GHRL: variants seen among roughly 807,000 people sequenced by gnomAD.
GHRL encodes appetite-regulating hormone.
Under a neutral mutation model 16.9 loss-of-function variants are expected in GHRL, and 24 were observed. The ratio of observed to expected loss-of-function variants is 1.42; its 90% confidence interval spans 1.03 to 2.00. GHRL has a LOEUF of 2.00. Ranked by LOEUF, GHRL falls within the 30% of genes most tolerant of loss-of-function variation. The pLI, the probability that GHRL is intolerant of heterozygous loss-of-function variation, is 0.00. For missense variants in GHRL, 193 were observed against 142.1 expected, an observed-to-expected ratio of 1.36 and a Z score of -1.82; for synonymous variants, 63 against 58.2, an observed-to-expected ratio of 1.08 and a Z score of -0.37.
Position 10,291,305 on chromosome 3 carries a change from C to T in GHRL, c.-619G>A, listed in dbSNP as rs1699979896. ...GAGTGGGTGTGGGGATAACTTCAGC[C>T]AGTGGCTATGCTTCAGTCATTTCTG... On this transcript the variant is annotated 5_prime_UTR_variant, in exon 2 of 6. Coordinates refer to ENST00000335542, the MANE Select transcript of GHRL (RefSeq NM_016362.5). 9 of 985,490 alleles carry T rather than the reference C, an allele frequency of 9.1e-6. No homozygotes were observed. Among genetic ancestry groups the T allele is most frequent in the Non-Finnish European group, 1.1e-5 (9 of 829,962 alleles). 61.0% of individuals were successfully genotyped at this position (985,490 alleles called of 1,614,324 possible).
At chr3:10,291,489 T>A in intron 1 of GHRL, 38 bp from the exon 2 acceptor site, 1 of 983,724 alleles carries the variant, frequency 1.0e-6, no homozygotes, top group Non-Finnish European at 1.2e-6. Context: ...CGGGCCTGGC[T>A]CCTCTCTCAT....
chr3:10,286,755 T>C lies in GHRL; in HGVS notation c.283A>G (p.Ser95Gly). The C allele has an allele frequency of 1.2e-6, 2 of 1,613,422 alleles. No homozygotes were observed. Among genetic ancestry groups the C allele is most frequent in the Non-Finnish European group, 1.7e-6 (2 of 1,179,308 alleles). ...KLSGVQYQQHSQALGKFLQDI... is the reference protein window; with the variant it reads ...KLSGVQYQQHGQALGKFLQDI... ...TGAAGAAACTTCCCCAGGGCCTGGC[T>C]GTGCTGCTGGTACTGAACCCCTGAC... is the stretch of plus-strand genomic sequence containing the variant. The change falls in exon 5 of 6, where the codon AGC (serine) becomes GGC (glycine). Residue 95 changes from serine (S) to glycine (G), a missense_variant. Physicochemically the swap from Ser to Gly is moderately conservative, Grantham distance 56. Coordinates refer to ENST00000335542, the MANE Select transcript of GHRL (RefSeq NM_016362.5).
At position 10,290,065 on chromosome 3, in the gene GHRL, G is replaced by GT. The variant is rs1699735377; in HGVS notation, c.108+7_108+8insA. 6.2e-6 allele frequency: 10 copies of GT among 1,610,966 alleles called. No individual in the cohort carries two copies. Among genetic ancestry groups the GT allele is most frequent in the Non-Finnish European group, 8.5e-6 (10 of 1,178,854 alleles). ...AACAACATGTGGGGCTTTGTGGGGA[G>GT]GTCTCACCTGGACTCTCTGGTGTTC... On this transcript the variant is annotated splice_region_variant and intron_variant, in intron 3 of 5. Transcript: ENST00000335542.
intron 4 of GHRL, among the ~76,000 whole-genome samples, chr3:10,287,667 C>G (rs1699276742): frequency 6.6e-6 from 1 of 152,166 alleles, no homozygotes; most frequent in Non-Finnish European, 1.5e-5. Context: ...AGGCCAAGGA[C>G]TAGAATGCAG....
intron 4 of GHRL, among the ~76,000 whole-genome samples, chr3:10,289,463 G>C (rs1245686211): frequency 6.6e-6 from 1 of 152,186 alleles, no homozygotes; most frequent in Non-Finnish European, 1.5e-5. Context: ...TTTGTCTCTG[G>C]GCACTGTATT....
At chr3:10,286,606 T>C (rs912844951) in intron 5 of GHRL, 98 bp downstream of exon 5, 1 of 659,374 alleles carries the variant, frequency 1.5e-6, no homozygotes, top group Admixed American at 2.6e-5. Flanking sequence ...GAAGTTCTTT[T>C]GGAGAGGCAG....
chr3:10,291,535 T>C, intron 1 of GHRL, 84 bp from the exon 2 acceptor site: 6 of 877,024 alleles, frequency 6.8e-6, no homozygotes, highest in Non-Finnish European at 8.2e-6. Context: ...TAATTCCCCT[T>C]ACCCAGAGTC....
rs1288614284 is a variant in GHRL, at chr3:10,291,466, T to C, written c.-765-15A>G. The C allele has an allele frequency of 1.0e-6, 1 of 985,354 alleles. No homozygotes were observed. Among genetic ancestry groups the C allele is most frequent in the Non-Finnish European group, 1.2e-6 (1 of 829,976 alleles). The allele number at this position is 985,354 out of a possible 1,614,324, so 61.0% of individuals were successfully genotyped here. A position where few individuals can be genotyped will look rare whatever the true frequency, so the allele number is the denominator to read the frequency against. The stretch of plus-strand genomic sequence containing the variant: ...GTGCATTGGACCTGGAGGTGGAAGA[T>C]CTACGCTTAGCACGGGCCTGGCTCC... On this transcript the variant is annotated splice_polypyrimidine_tract_variant and intron_variant, in intron 1 of 5. Transcript: ENST00000335542.
At chr3:10,285,980 T>C in intron 5 of GHRL, 86 bp from the exon 6 acceptor site, 2 of 1,220,064 alleles carry the variant, frequency 1.6e-6, no homozygotes, top group East Asian at 2.3e-5. Flanking sequence ...GGAGGTGGGA[T>C]GTAATGGTGG....
chr3:10,291,436 G>A lies in GHRL; in HGVS notation c.-750C>T. 1 of 985,502 alleles carries A rather than the reference G, an allele frequency of 1.0e-6. No homozygotes were observed. Among genetic ancestry groups the A allele is most frequent in the Non-Finnish European group, 1.2e-6 (1 of 829,998 alleles). 61.0% of individuals were successfully genotyped at this position (985,502 alleles called of 1,614,324 possible). A position where few individuals can be genotyped will look rare whatever the true frequency, so the allele number is the denominator to read the frequency against. ...ATTTTAGCGGATGCCTCTTCTGAGA[G>A]GGAAGTGCATTGGACCTGGAGGTGG... On this transcript the variant is annotated 5_prime_UTR_variant, in exon 2 of 6. Coordinates refer to ENST00000335542, the MANE Select transcript of GHRL (RefSeq NM_016362.5).
intron 2 of GHRL, 24 bp from the exon 3 acceptor site, chr3:10,290,233 C>T (rs1699776918): frequency 2.5e-6 from 4 of 1,570,722 alleles, no homozygotes; most frequent in Non-Finnish European, 2.6e-6. Flanking sequence ...GGTCTCCAGG[C>T]AGCTGCCTCC....
rs1441242450 is a variant in GHRL, at chr3:10,285,901, A to G, written c.335-7T>C. 6.2e-7 allele frequency: 1 copy of G among 1,612,898 alleles called. No individual in the cohort carries two copies. The highest frequency in any genetic ancestry group is 8.5e-7 in the Non-Finnish European group (1 of 1,178,916). On this transcript the variant is annotated splice_region_variant and splice_polypyrimidine_tract_variant and intron_variant, in intron 5 of 5. Transcript: ENST00000335542. ...CACTTGTCGGCTGGGGCCTCTGGAAAGCAAGAGGTTGAGTAAGAATGCTGG... is the reference window on the plus strand; with the variant it reads ...CACTTGTCGGCTGGGGCCTCTGGAAGGCAAGAGGTTGAGTAAGAATGCTGG...
rs537480853 is a variant in GHRL, at chr3:10,287,002, C to A, written c.226-190G>T. ...TTTCTCAGGACCACAGCTCACCTTC[C>A]CACTCACCATCTTTCAGACACTTAC... is the stretch of plus-strand genomic sequence containing the variant. On this transcript the variant is annotated intron_variant, in intron 4 of 5. Transcript: ENST00000335542. The A allele has an allele frequency of 2.8e-5, 15 of 535,068 alleles. No individual in the cohort carries two copies. The South Asian group carries it at 3.1e-4, about 11-fold the overall frequency. 33.1% of individuals were successfully genotyped at this position (535,068 alleles called of 1,614,324 possible).
intron 4 of GHRL, among the ~76,000 whole-genome samples, chr3:10,289,249 A>C (rs1305380105): frequency 1.3e-5 from 2 of 152,158 alleles, no homozygotes; most frequent in Non-Finnish European, 2.9e-5. Context: ...GATTTGTCAG[A>C]GCACATCACC....
intron 2 of GHRL, 55 bp from the exon 3 acceptor site, chr3:10,290,264 C>T: frequency 2.6e-6 from 4 of 1,535,752 alleles, no homozygotes; most frequent in East Asian, 4.8e-5. Context: ...TGCCTCTGAG[C>T]TTGCTCAGGT....
Position 10,289,754 on chromosome 3 carries a change from G to A in GHRL, c.225+8C>T. 1 of 1,540,496 alleles carries A rather than the reference G, an allele frequency of 6.5e-7. No homozygotes were observed. The highest frequency in any genetic ancestry group is 9.0e-7 in the Non-Finnish European group (1 of 1,113,036). ...GCCACAGAAGCATAAAACTGCAGAG[G>A]TACCGACCCGGACTTCCAGTTCATC... On this transcript the variant is annotated splice_region_variant and intron_variant, in intron 4 of 5. Coordinates refer to ENST00000335542, the MANE Select transcript of GHRL (RefSeq NM_016362.5).
At chr3:10,285,974 G>C in intron 5 of GHRL, 80 bp from the exon 6 acceptor site, 1 of 1,302,294 alleles carries the variant, frequency 7.7e-7, no homozygotes, top group Non-Finnish European at 1.1e-6. Context: ...GAGATTGGAG[G>C]TGGGATGTAA....
rs1699114274 is a variant in GHRL, at chr3:10,286,649, A to G, written c.334+55T>C. 4 of 889,928 alleles carry G rather than the reference A, an allele frequency of 4.5e-6. No homozygotes were observed. In the South Asian group the frequency reaches 5.4e-5, roughly 12 times the overall value. The allele number at this position is 889,928 out of a possible 1,614,324, so 55.1% of individuals were successfully genotyped here. Reference sequence around the variant, plus strand: ...GGAAAACTCATCACCCACAGAGTGAACTCCCATGTGGGGCTGCAAGGAAAC... The same window carrying G: ...GGAAAACTCATCACCCACAGAGTGAGCTCCCATGTGGGGCTGCAAGGAAAC... On this transcript the variant is annotated intron_variant, in intron 5 of 5. Coordinates refer to ENST00000335542, the MANE Select transcript of GHRL (RefSeq NM_016362.5).
At position 10,291,324 on chromosome 3, in the gene GHRL, AT is replaced by A. The variant is rs1170726350; in HGVS notation, c.-639del. 1 of 985,344 alleles carries A rather than the reference AT, an allele frequency of 1.0e-6. No individual in the cohort carries two copies. 61.0% of individuals were successfully genotyped at this position (985,344 alleles called of 1,614,324 possible). On this transcript the variant is annotated 5_prime_UTR_variant, in exon 2 of 6. The change creates a new upstream start codon in the 5' untranslated region. Transcript: ENST00000335542. ...TTCAGCCAGTGGCTATGCTTCAGTCATTTCTGCCAGGTGTGACATGACTGCC... is the reference window on the plus strand; with the variant it reads ...TTCAGCCAGTGGCTATGCTTCAGTCATTCTGCCAGGTGTGACATGACTGCC...
Sources: gnomAD v4.1 joint callset for allele counts (sites outside exome capture counted in the v4.1 genomes callset) on GRCh38, gnomAD v4.1.1 for gene constraint, MANE v1.5 for transcripts, NCBI Gene and HGNC (gene_info 2026-07-23, HGNC 2026-07-21) for gene names.